ERC1: variants seen among roughly 807,000 people sequenced by gnomAD.
ERC1 encodes ELKS/RAB6-interacting/CAST family member 1, also known as RAB6 interacting protein 2.
A neutral mutation model predicts 132.0 loss-of-function variants in ERC1; 56 were observed. The ratio of observed to expected loss-of-function variants is 0.42; its 90% CI spans 0.34 to 0.53. ERC1 has a LOEUF of 0.53. ERC1 is among the 20% of genes least tolerant of loss of function. The pLI is 0.03. For missense variants in ERC1, 1,202 were observed against 1,349.9 expected (o/e 0.89, Z 1.72); for synonymous variants, 478 against 476.1 (o/e 1.00, Z -0.05).
At chr12:1,098,279 T>C (rs1330293754) in intron 3 of ERC1, among the ~76,000 whole-genome samples, 1 of 152,230 alleles carries the variant, frequency 6.6e-6, no homozygotes, top group Non-Finnish European at 1.5e-5. Context: ...CATCTCACCT[T>C]ATGGTCAAAG....
At chr12:1,481,338 G>A (rs545249307) in intron 18 of ERC1, among the ~76,000 whole-genome samples, 83 of 152,164 alleles carry the variant, frequency 5.5e-4, no homozygotes, top group Non-Finnish European at 9.6e-4. Flanking sequence ...TCTTCACATC[G>A]CCTCTCTTTC....
chr12:1,346,928 G>A (rs1315253265), intron 15 of ERC1, among the ~76,000 whole-genome samples: 3 of 126,490 alleles, frequency 2.4e-5, no homozygotes, highest in Admixed American at 8.2e-5. Flanking sequence ...CGGCCTGGGC[G>A]ACAGAGCGAG....
chr12:1,096,271 T>A (rs902905995), intron 3 of ERC1, among the ~76,000 whole-genome samples: 2 of 152,200 alleles, frequency 1.3e-5, no homozygotes, highest in African/African-American at 2.4e-5. Context: ...CTTTAGGAAT[T>A]AGGTGATGCT....
Position 1,383,705 on chromosome 12 carries a change from T to G in ERC1, c.2925+11728T>G, listed in dbSNP as rs560665355. 1.2e-4 allele frequency among the ~76,000 whole-genome samples: 18 copies of G among 152,338 alleles called. 1 individual carries two copies. Among genetic ancestry groups the G allele is most frequent in the African/African-American group, 4.3e-4 (18 of 41,590 alleles). ...AAGGATAATAGGAGTGGTGTTAAAC[T>G]AGAATATTAGCTGTCACTGAGTGCC... On this transcript the variant is annotated intron_variant, in intron 16 of 18. Transcript: ENST00000360905.
chr12:1,409,267 C>T (rs763702809), intron 17 of ERC1, among the ~76,000 whole-genome samples: 2 of 152,214 alleles, frequency 1.3e-5, no homozygotes, highest in Non-Finnish European at 2.9e-5. Context: ...GGAGAGCTAT[C>T]TGCCTGGTGT....
intron 16 of ERC1, among the ~76,000 whole-genome samples, chr12:1,375,159 A>T (rs2087740120): frequency 6.6e-6 from 1 of 152,184 alleles, no homozygotes. Flanking sequence ...GGTAATGTAA[A>T]GACAAGAGGT....
At chr12:1,065,484 G>T (rs1031110887) in intron 2 of ERC1, among the ~76,000 whole-genome samples, 1 of 87,834 alleles carries the variant, frequency 1.1e-5, no homozygotes, top group Non-Finnish European at 3.0e-5. Flanking sequence ...TACCGTTTGT[G>T]TGTGTGTGTG....
intron 1 of ERC1, among the ~76,000 whole-genome samples, chr12:1,016,040 A>T (rs1965451387): frequency 6.6e-6 from 1 of 151,190 alleles, no homozygotes; most frequent in South Asian, 2.1e-4. Flanking sequence ...AGAATTTCAC[A>T]TATAATTATT....
intron 8 of ERC1, among the ~76,000 whole-genome samples, chr12:1,165,558 G>T (rs148727253): frequency 6.6e-6 from 1 of 151,822 alleles, no homozygotes; most frequent in Non-Finnish European, 1.5e-5. Context: ...CACCCGCCTC[G>T]GCCTCCCAAA....
intron 14 of ERC1, among the ~76,000 whole-genome samples, chr12:1,273,448 G>A (rs557989636): frequency 1.2e-4 from 19 of 152,232 alleles, no homozygotes; most frequent in African/African-American, 3.6e-4. Flanking sequence ...AATATTATAA[G>A]TATACATTTT....
At position 1,115,934 on chromosome 12, in the gene ERC1, A is replaced by G; in HGVS notation, c.1470A>G (p.Glu490=). 2 of 1,614,202 alleles carry G rather than the reference A, an allele frequency of 1.2e-6. No individual in the cohort carries two copies. Among genetic ancestry groups the G allele is most frequent in the Non-Finnish European group, 1.7e-6 (2 of 1,180,014 alleles). Residue 490 remains glutamate (E), a synonymous_variant, in exon 7 of 19, where the codon GAA becomes GAG. Transcript: ENST00000360905. ...TACTCGCCCTGCAGACAAAGCTAGA[A>G]ACACTCACAAACCAGTTCTCAGATA... ...TELLALQTKL[E]TLTNQFSDSK... is the part of the protein sequence containing the mutation.
chr12:1,029,398 A>G (rs761289903), intron 2 of ERC1, among the ~76,000 whole-genome samples: 27 of 152,214 alleles, frequency 1.8e-4, no homozygotes, highest in Admixed American at 1.2e-3. Flanking sequence ...ACAAACAATA[A>G]GTACCTGTTC....
intron 8 of ERC1, among the ~76,000 whole-genome samples, chr12:1,143,204 A>G (rs564194629): frequency 7.2e-5 from 11 of 152,116 alleles, no homozygotes; most frequent in Middle Eastern, 3.4e-3. Context: ...GCACCAGCCC[A>G]CCTTTTTTAA....
At chr12:1,422,389 CT>C in intron 17 of ERC1, among the ~76,000 whole-genome samples, 1 of 152,262 alleles carries the variant, frequency 6.6e-6, no homozygotes, top group South Asian at 2.1e-4. Flanking sequence ...CACTATTCTA[CT>C]CTCTGTTTGT....
chr12:1,014,844 A>G (rs1207406443), intron 1 of ERC1, among the ~76,000 whole-genome samples: 1 of 151,660 alleles, frequency 6.6e-6, no homozygotes, highest in Non-Finnish European at 1.5e-5. Context: ...GCTCACTGCA[A>G]CCTCCGTCTC....
intron 13 of ERC1, among the ~76,000 whole-genome samples, chr12:1,261,413 C>T (rs1399387012): frequency 6.6e-6 from 1 of 152,196 alleles, no homozygotes; most frequent in Non-Finnish European, 1.5e-5. Context: ...TCCCACATTA[C>T]TCCAAAATAG....
chr12:1,124,452 A>G (rs145786375), intron 7 of ERC1, among the ~76,000 whole-genome samples: 3 of 152,292 alleles, frequency 2.0e-5, no homozygotes, highest in Admixed American at 2.0e-4. Flanking sequence ...TGGCAGTGAA[A>G]GCTCTCTATA....
intron 1 of ERC1, among the ~76,000 whole-genome samples, chr12:1,008,244 G>C (rs1466706312): frequency 6.6e-6 from 1 of 152,174 alleles, no homozygotes; most frequent in African/African-American, 2.4e-5. Flanking sequence ...GCTATTGATG[G>C]TTGTGGTGGG....
chr12:1,333,362 C>T (rs1035290768), intron 15 of ERC1, among the ~76,000 whole-genome samples: 1 of 129,116 alleles, frequency 7.7e-6, no homozygotes, highest in Non-Finnish European at 1.6e-5. Flanking sequence ...GAGATGGAGT[C>T]TCACTCTGTC....
Sources: gnomAD v4.1 joint callset for allele counts (sites outside exome capture counted in the v4.1 genomes callset) on GRCh38, gnomAD v4.1.1 for gene constraint, MANE v1.5 for transcripts, NCBI Gene and HGNC (gene_info 2026-07-23, HGNC 2026-07-21) for gene names.